Variants in PABPC4L observed in about 807,000 individuals in gnomAD.
PABPC4L encodes polyadenylate-binding protein 4-like.
For missense variants in PABPC4L, 452 were observed against 451.4 expected, an observed-to-expected ratio of 1.00 and a Z score of -0.01; for synonymous variants, 169 against 164.1, an observed-to-expected ratio of 1.03 and a Z score of -0.23.
chr4:133,951,779 A>G, the PABPC4L span, among the ~76,000 whole-genome samples: 1 of 152,102 alleles, frequency 6.6e-6, no homozygotes, highest in African/African-American at 2.4e-5. Context: ...GGGTAACCCC[A>G]TTAAGTTACT....
the PABPC4L span, among the ~76,000 whole-genome samples, chr4:134,137,706 T>C: frequency 6.6e-6 from 1 of 151,916 alleles, no homozygotes; most frequent in Non-Finnish European, 1.5e-5. Flanking sequence ...TGGCTCTTGA[T>C]ATTTTTTGTC....
At chr4:134,071,138 C>T in the PABPC4L span, among the ~76,000 whole-genome samples, 2 of 152,156 alleles carry the variant, frequency 1.3e-5, no homozygotes, top group East Asian at 3.9e-4. Flanking sequence ...AGGTCCATGG[C>T]AAGAGCACGT....
chr4:134,190,858 G>A, the PABPC4L span, among the ~76,000 whole-genome samples: 1 of 152,070 alleles, frequency 6.6e-6, no homozygotes, highest in East Asian at 1.9e-4. Flanking sequence ...CTCCACATTG[G>A]CCAGGCTGGT....
chr4:134,168,199 A>T, the PABPC4L span, among the ~76,000 whole-genome samples: 2 of 152,060 alleles, frequency 1.3e-5, no homozygotes, highest in Non-Finnish European at 2.9e-5. Context: ...AGAAATTAAG[A>T]AGAAAACTTT....
At chr4:134,003,309 C>A in the PABPC4L span, among the ~76,000 whole-genome samples, 2 of 151,846 alleles carry the variant, frequency 1.3e-5, no homozygotes, top group South Asian at 2.1e-4. Flanking sequence ...CATGGAGAAC[C>A]CTACTCAACA....
chr4:134,005,577 T>C, the PABPC4L span, among the ~76,000 whole-genome samples: 2 of 151,856 alleles, frequency 1.3e-5, no homozygotes, highest in African/African-American at 4.8e-5. Context: ...TGCTTACAGC[T>C]GGAAGAAGAT....
At chr4:134,090,052 A>G in the PABPC4L span, among the ~76,000 whole-genome samples, 1 of 152,174 alleles carries the variant, frequency 6.6e-6, no homozygotes, top group African/African-American at 2.4e-5. Flanking sequence ...ATAACCAGAA[A>G]GGATTACTCC....
At chr4:133,956,617 A>G in the PABPC4L span, among the ~76,000 whole-genome samples, 8,496 of 152,220 alleles carry the variant, frequency 0.056, 362 homozygotes, top group Non-Finnish European at 0.087. Flanking sequence ...ACTGGGAGGA[A>G]AGGAACAGCC....
the PABPC4L span, among the ~76,000 whole-genome samples, chr4:133,986,253 C>A: frequency 3.3e-5 from 5 of 151,954 alleles, no homozygotes; most frequent in Non-Finnish European, 7.4e-5. Context: ...ACATAAACAA[C>A]TTTTTATATC....
chr4:133,993,178 T>C, the PABPC4L span, among the ~76,000 whole-genome samples: 3 of 152,136 alleles, frequency 2.0e-5, no homozygotes, highest in African/African-American at 7.2e-5. Context: ...TTTTAAAAAT[T>C]AAGGTAAATA....
the PABPC4L span, among the ~76,000 whole-genome samples, chr4:134,098,184 C>A: frequency 6.6e-6 from 1 of 151,754 alleles, no homozygotes; most frequent in Non-Finnish European, 1.5e-5. Context: ...TTGACTTGAA[C>A]TGTATTTGTC....
the PABPC4L span, among the ~76,000 whole-genome samples, chr4:133,998,815 C>G: frequency 2.0e-5 from 3 of 151,680 alleles, no homozygotes; most frequent in African/African-American, 7.3e-5. Flanking sequence ...GATCTTTCCC[C>G]CTAGTTTAAT....
chr4:134,148,145 A>G, the PABPC4L span, among the ~76,000 whole-genome samples: 31,813 of 152,044 alleles, frequency 0.21, 4,139 homozygotes, highest in Non-Finnish European at 0.27. Flanking sequence ...AGACACAGAA[A>G]CACAGAGATT....
chr4:133,957,292 T>C, the PABPC4L span, among the ~76,000 whole-genome samples: 5 of 152,246 alleles, frequency 3.3e-5, no homozygotes, highest in South Asian at 1.0e-3. Flanking sequence ...GGCACCATGC[T>C]AGTCCGAAAT....
chr4:134,064,034 A>AT, the PABPC4L span, among the ~76,000 whole-genome samples: 1 of 152,058 alleles, frequency 6.6e-6, no homozygotes, highest in Admixed American at 6.6e-5. Context: ...AATTTTCTAG[A>AT]TTTTTATCTT....
the PABPC4L span, among the ~76,000 whole-genome samples, chr4:134,114,688 G>A: frequency 3.3e-5 from 5 of 151,840 alleles, no homozygotes; most frequent in Non-Finnish European, 7.4e-5. Flanking sequence ...GGGTTTGGAC[G>A]GGTGAATGTG....
At chr4:133,978,141 A>T in the PABPC4L span, 1 of 152,322 alleles carries the variant, frequency 6.6e-6, no homozygotes, top group Admixed American at 6.5e-5. Context: ...TAATTGCACC[A>T]GATGTGCTGA....
the PABPC4L span, among the ~76,000 whole-genome samples, chr4:134,018,359 C>G: frequency 1.3e-5 from 2 of 152,160 alleles, no homozygotes; most frequent in Non-Finnish European, 2.9e-5. Context: ...GTTTGGTGGT[C>G]TCTTCACACT....
the PABPC4L span, among the ~76,000 whole-genome samples, chr4:133,969,250 A>G: frequency 6.6e-6 from 1 of 152,140 alleles, no homozygotes; most frequent in African/African-American, 2.4e-5. Context: ...AATCAATACC[A>G]CCACTGAGTG....
Sources: gnomAD v4.1 joint callset for allele counts (sites outside exome capture counted in the v4.1 genomes callset) on GRCh38, gnomAD v4.1.1 for gene constraint, MANE v1.5 for transcripts, NCBI Gene and HGNC (gene_info 2026-07-23, HGNC 2026-07-21) for gene names.